Variants in GABRB3 observed in about 807,000 individuals in gnomAD.
GABRB3 encodes gamma-aminobutyric acid type A receptor subunit beta3, also known as gamma-aminobutyric acid receptor subunit beta-3.
A neutral mutation model predicts 52.1 loss-of-function variants in GABRB3; 14 were observed. The observed-to-expected ratio is 0.27, with a 90% CI of 0.18 to 0.42. The LOEUF (loss-of-function observed/expected upper bound fraction) is 0.42, where lower values mean the gene tolerates loss of function less well. Among genes scored for constraint, GABRB3 ranks in the 10% least tolerant of loss-of-function variants. The pLI, the probability that GABRB3 is intolerant of heterozygous loss-of-function variation, is 1.00. For synonymous variants in GABRB3, 260 were observed against 232.3 expected, an observed-to-expected ratio of 1.12 and a Z score of -1.08; for missense variants, 307 against 609.1, an observed-to-expected ratio of 0.50 and a Z score of 5.22.
At chr15:26,636,569 T>C (rs1248816773) in intron 3 of GABRB3, among the ~76,000 whole-genome samples, 2 of 152,224 alleles carry the variant, frequency 1.3e-5, no homozygotes, top group African/African-American at 4.8e-5. Flanking sequence ...CCTTAAGTGA[T>C]TGCCTCTAGC....
At chr15:26,721,003 A>G (rs949858119) in intron 3 of GABRB3, among the ~76,000 whole-genome samples, 1 of 152,162 alleles carries the variant, frequency 6.6e-6, no homozygotes, top group African/African-American at 2.4e-5. Context: ...CCGCCCCAAC[A>G]TGTCAAATCT....
chr15:26,650,870 G>C (rs141818122), intron 3 of GABRB3, among the ~76,000 whole-genome samples: 1 of 152,062 alleles, frequency 6.6e-6, no homozygotes, highest in Non-Finnish European at 1.5e-5. Context: ...GAGAAGAGGC[G>C]ATCAGGCTTC....
intron 8 of GABRB3, among the ~76,000 whole-genome samples, chr15:26,555,268 C>G (rs1889710076): frequency 6.6e-6 from 1 of 151,954 alleles, no homozygotes; most frequent in South Asian, 2.1e-4. Context: ...AAATGTGGAC[C>G]AAGAAGAAAG....
intron 7 of GABRB3, 26 bp from the exon 8 acceptor site, chr15:26,561,202 G>A (rs760577588): frequency 1.2e-6 from 2 of 1,612,418 alleles, no homozygotes; most frequent in South Asian, 2.2e-5. Context: ...AGTGGTGAGA[G>A]GCTGAAACTT....
intron 3 of GABRB3, among the ~76,000 whole-genome samples, chr15:26,685,473 T>C (rs1019260297): frequency 1.3e-5 from 2 of 152,210 alleles, no homozygotes; most frequent in East Asian, 1.9e-4. Context: ...ATCTGTTTTC[T>C]ATATTTCTGA....
intron 3 of GABRB3, among the ~76,000 whole-genome samples, chr15:26,721,482 TCG>T (rs1889642761): frequency 6.6e-6 from 1 of 151,936 alleles, no homozygotes; most frequent in East Asian, 2.0e-4. Context: ...ACTCCCTTCT[TCG>T]TTTCAGCAGA....
intron 3 of GABRB3, among the ~76,000 whole-genome samples, chr15:26,684,793 C>T (rs1289039294): frequency 6.6e-6 from 1 of 152,098 alleles, no homozygotes; most frequent in Non-Finnish European, 1.5e-5. Flanking sequence ...TCTATGGGTG[C>T]TGTTCATGGT....
At chr15:26,704,086 G>A (rs1399245777) in intron 3 of GABRB3, among the ~76,000 whole-genome samples, 21 of 152,178 alleles carry the variant, frequency 1.4e-4, no homozygotes, top group Non-Finnish European at 2.9e-5. Flanking sequence ...CTCTGAGATA[G>A]GCTTTGACAT....
intron 3 of GABRB3, among the ~76,000 whole-genome samples, chr15:26,679,795 G>T (rs1268369943): frequency 6.6e-6 from 1 of 152,100 alleles, no homozygotes; most frequent in African/African-American, 2.4e-5. Context: ...CCTGGGGCTG[G>T]GACCCACTGG....
chr15:26,628,430 A>G (rs2140553630), intron 3 of GABRB3, among the ~76,000 whole-genome samples: 1 of 152,340 alleles, frequency 6.6e-6, no homozygotes, highest in Middle Eastern at 3.4e-3. Flanking sequence ...CAAGAATTCA[A>G]AAGCAATCTA....
intron 3 of GABRB3, among the ~76,000 whole-genome samples, chr15:26,754,373 TG>T (rs1890598929): frequency 6.6e-6 from 1 of 152,134 alleles, no homozygotes; most frequent in Non-Finnish European, 1.5e-5. Flanking sequence ...TTGAGAAACT[TG>T]GAGAAATGTG....
At chr15:26,692,188 A>G (rs891791684) in intron 3 of GABRB3, among the ~76,000 whole-genome samples, 1 of 152,224 alleles carries the variant, frequency 6.6e-6, no homozygotes, top group African/African-American at 2.4e-5. Flanking sequence ...CCATCCAAAC[A>G]TGAATTAATC....
rs932242336 is a variant in GABRB3, at chr15:26,624,059, G to A, written c.241-2525C>T. 11 of 301,638 alleles carry A rather than the reference G, an allele frequency of 3.6e-5. No individual in the cohort carries two copies. The Admixed American group carries it at 3.9e-4, about 11-fold the overall frequency. The allele number at this position is 301,638 out of a possible 1,614,324, so 18.7% of individuals were successfully genotyped here. ...AATGGTGAGTTCAAGGGGTAGAAGG[G>A]ATGGTGTGCAGAGGCCTCCGAGGAG... On this transcript the variant is annotated intron_variant, in intron 3 of 8. Coordinates refer to ENST00000311550, the MANE Select transcript of GABRB3 (RefSeq NM_000814.6).
intron 3 of GABRB3, among the ~76,000 whole-genome samples, chr15:26,712,306 G>A (rs1566815222): frequency 1.3e-5 from 2 of 151,952 alleles, no homozygotes; most frequent in South Asian, 4.2e-4. Context: ...GAGCCACCAT[G>A]CCTGCCCATA....
chr15:26,716,265 G>A (rs1328596679), intron 3 of GABRB3, among the ~76,000 whole-genome samples: 1 of 152,166 alleles, frequency 6.6e-6, no homozygotes, highest in African/African-American at 2.4e-5. Flanking sequence ...TGTGTGATGG[G>A]TGTGCGCTGG....
At chr15:26,668,329 A>G (rs890320) in intron 3 of GABRB3, among the ~76,000 whole-genome samples, 39,330 of 152,192 alleles carry the variant, frequency 0.26, 6,244 homozygotes, top group Admixed American at 0.39. Flanking sequence ...AAAATTAAAA[A>G]TATGAAAACA....
chr15:26,672,686 T>C (rs1038180763), intron 3 of GABRB3, among the ~76,000 whole-genome samples: 4 of 152,186 alleles, frequency 2.6e-5, no homozygotes, highest in African/African-American at 7.2e-5. Flanking sequence ...TCCAATACCA[T>C]TGATTTCTTT....
At chr15:26,713,240 G>C (rs968667991) in intron 3 of GABRB3, among the ~76,000 whole-genome samples, 6 of 152,194 alleles carry the variant, frequency 3.9e-5, no homozygotes, top group Admixed American at 3.3e-4. Context: ...CGTGACTGTA[G>C]GGGAAGGGCA....
At chr15:26,650,371 G>C (rs1190041336) in intron 3 of GABRB3, among the ~76,000 whole-genome samples, 1 of 152,142 alleles carries the variant, frequency 6.6e-6, no homozygotes, top group Non-Finnish European at 1.5e-5. Context: ...AACTGGGCTG[G>C]AGTGGGTGAT....
Sources: allele counts gnomAD v4.1 joint callset (sites outside exome capture counted in the v4.1 genomes callset), GRCh38; gene constraint gnomAD v4.1.1; transcripts MANE v1.5; gene names NCBI Gene and HGNC (gene_info 2026-07-23, HGNC 2026-07-21).